The following FDFT1 variants were observed in gnomAD, a reference collection of about 807,000 sequenced individuals.
FDFT1 encodes farnesyl-diphosphate farnesyltransferase 1.
A neutral mutation model predicts 46.8 loss-of-function variants in FDFT1; 68 were observed. The observed-to-expected ratio is 1.45, with a 90% CI of 1.19 to 1.78. The LOEUF (loss-of-function observed/expected upper bound fraction) is 1.78. Ranked by LOEUF, FDFT1 falls within the 40% of genes most tolerant of loss-of-function variation. The pLI, the probability that FDFT1 is intolerant of heterozygous loss-of-function variation, is 0.00. For synonymous variants in FDFT1, 351 were observed against 185.1 expected, an observed-to-expected ratio of 1.90 and a Z score of -7.28; for missense variants, 928 against 524.4, an observed-to-expected ratio of 1.77 and a Z score of -7.52.
At chr8:11,806,006 C>T (rs931394331) in intron 1 of FDFT1, among the ~76,000 whole-genome samples, 2 of 152,134 alleles carry the variant, frequency 1.3e-5, no homozygotes, top group Non-Finnish European at 2.9e-5. Context: ...TATGTAAATT[C>T]AGTTCTCAAG....
chr8:11,834,025 C>T (rs895065894), intron 7 of FDFT1, among the ~76,000 whole-genome samples: 5 of 152,212 alleles, frequency 3.3e-5, no homozygotes, highest in Admixed American at 6.5e-5. Context: ...AGCCACAAGT[C>T]GTCTGGCCTC....
chr8:11,822,661 A>C (rs976649940), intron 4 of FDFT1, among the ~76,000 whole-genome samples: 1 of 152,168 alleles, frequency 6.6e-6, no homozygotes, highest in African/African-American at 2.4e-5. Flanking sequence ...AAAAATTAAA[A>C]AATGAGCAGG....
chr8:11,805,114 G>T (rs543314824), intron 1 of FDFT1, among the ~76,000 whole-genome samples: 1 of 151,502 alleles, frequency 6.6e-6, no homozygotes, highest in Admixed American at 6.6e-5. Context: ...ACAATGTCTC[G>T]CTGCATTGCC....
At chr8:11,803,264 G>T in intron 1 of FDFT1, 1 of 1,345,118 alleles carries the variant, frequency 7.4e-7, no homozygotes, top group South Asian at 1.2e-5. Flanking sequence ...AGGCAATGTG[G>T]GTGGGTTACG....
intron 4 of FDFT1, among the ~76,000 whole-genome samples, chr8:11,822,136 C>T (rs767955581): frequency 1.3e-5 from 2 of 152,266 alleles, no homozygotes; most frequent in Non-Finnish European, 2.9e-5. Flanking sequence ...ATGTAATTGA[C>T]CATGAAGATT....
At chr8:11,807,144 C>T (rs1159075661) in intron 1 of FDFT1, among the ~76,000 whole-genome samples, 5 of 151,968 alleles carry the variant, frequency 3.3e-5, no homozygotes, top group African/African-American at 1.2e-4. Flanking sequence ...TTAACCACTC[C>T]TATTGGATAT....
intron 3 of FDFT1, among the ~76,000 whole-genome samples, chr8:11,817,185 T>G (rs1385843958): frequency 6.6e-6 from 1 of 152,218 alleles, no homozygotes; most frequent in East Asian, 1.9e-4. Context: ...TTGATTTGTG[T>G]ATGTTGAACA....
intron 1 of FDFT1, chr8:11,796,054 C>CT (rs1554511239): frequency 6.6e-6 from 1 of 151,984 alleles, no homozygotes; most frequent in Non-Finnish European, 1.5e-5. Flanking sequence ...TTTGTGATAA[C>CT]TGACATTGTG....
intron 7 of FDFT1, among the ~76,000 whole-genome samples, chr8:11,832,463 T>C (rs1810934021): frequency 6.9e-6 from 1 of 144,764 alleles, no homozygotes; most frequent in South Asian, 2.2e-4. Context: ...GGCAGGTGGA[T>C]CACATGAGCC....
chr8:11,813,731 G>A (rs904981920), intron 3 of FDFT1, among the ~76,000 whole-genome samples: 1 of 152,128 alleles, frequency 6.6e-6, no homozygotes, highest in Non-Finnish European at 1.5e-5. Context: ...CTTCCTTCTT[G>A]TACTTGGAAC....
upstream of FDFT1, among the ~76,000 whole-genome samples, chr8:11,799,607 C>A (rs1169421641): frequency 1.3e-5 from 2 of 152,198 alleles, no homozygotes; most frequent in Non-Finnish European, 2.9e-5. Context: ...GCTATCTGAT[C>A]TCCTGTCCCG....
chr8:11,803,434 C>T (rs1244727020), intron 1 of FDFT1: 6 of 1,286,562 alleles, frequency 4.7e-6, no homozygotes, highest in East Asian at 5.5e-5. Flanking sequence ...CTCGGTGCTT[C>T]CTGAGTTTTA....
At chr8:11,809,233 G>T (rs1391416616) in intron 2 of FDFT1, 3 of 1,158,872 alleles carry the variant, frequency 2.6e-6, no homozygotes, top group East Asian at 1.1e-4. Context: ...ATATTGGGTT[G>T]ATTCTTTTGA....
At chr8:11,834,281 T>C (rs564115962) in intron 7 of FDFT1, among the ~76,000 whole-genome samples, 1 of 152,352 alleles carries the variant, frequency 6.6e-6, no homozygotes, top group Non-Finnish European at 1.5e-5. Flanking sequence ...CACCCCACTC[T>C]GGAGCAGCCT....
exon 1 of FDFT1, chr8:11,795,902 G>C (rs1330837238): frequency 1.3e-5 from 2 of 152,588 alleles, no homozygotes. Context: ...CGGACACGCC[G>C]CCTTTAAGAA....
chr8:11,824,781 G>A (rs1219093107), intron 4 of FDFT1, among the ~76,000 whole-genome samples: 1 of 152,168 alleles, frequency 6.6e-6, no homozygotes, highest in South Asian at 2.1e-4. Flanking sequence ...TGTCGCCCAG[G>A]CTGGAGTGCA....
chr8:11,808,513 T>G, intron 1 of FDFT1: 1 of 1,329,544 alleles, frequency 7.5e-7, no homozygotes, highest in Non-Finnish European at 9.6e-7. Context: ...GGGTCCGCGA[T>G]TCCCATGGCC....
At chr8:11,797,937 A>C (rs915461925), upstream of FDFT1, 1 of 152,286 alleles carries the variant, frequency 6.6e-6, no homozygotes, top group African/African-American at 2.4e-5. Flanking sequence ...CTGAAATCCC[A>C]ACAAAGGATG....
chr8:11,805,407 C>G (rs1449548468), intron 1 of FDFT1, among the ~76,000 whole-genome samples: 4 of 152,148 alleles, frequency 2.6e-5, no homozygotes, highest in African/African-American at 7.2e-5. Flanking sequence ...ACCCAAAAGC[C>G]GAGAGTAATG....
Sources: allele counts gnomAD v4.1 joint callset (sites outside exome capture counted in the v4.1 genomes callset), GRCh38; gene constraint gnomAD v4.1.1; transcripts MANE v1.5; gene names NCBI Gene and HGNC (gene_info 2026-07-23, HGNC 2026-07-21).